The following RTN3 variants were observed in gnomAD, a reference collection of about 807,000 sequenced individuals.
The protein encoded by RTN3 is reticulon-3.
Under a neutral mutation model 77.8 loss-of-function variants are expected in RTN3, and 49 were observed. That is an observed-to-expected ratio of 0.63 (90% CI 0.50 to 0.80). The LOEUF is 0.80. RTN3 is among the 30% of genes least tolerant of loss of function. RTN3 has a pLI of 0.00. For synonymous variants in RTN3, 464 were observed against 446.9 expected (o/e 1.04, Z -0.48); for missense variants, 1,236 against 1,211.9 (o/e 1.02, Z -0.29).
rs1231321589 is a variant in RTN3 at position 63,681,630 on chromosome 11, C to T, written c.-7C>T. ...TTCACCCTTCTCCCACCCTCGCTCGCGTAGCCATGGCGGAGCCGTCGGCGG... is the reference window on the plus strand; with the variant it reads ...TTCACCCTTCTCCCACCCTCGCTCGTGTAGCCATGGCGGAGCCGTCGGCGG... On this transcript the variant is annotated 5_prime_UTR_variant, in exon 1 of 9. Coordinates refer to ENST00000377819, the MANE Select transcript of RTN3 (RefSeq NM_001265589.2). The T allele has an allele frequency of 6.3e-7, 1 of 1,582,988 alleles. No homozygotes were observed. Among genetic ancestry groups the T allele is most frequent in the South Asian group, 1.1e-5 (1 of 89,410 alleles).
intron 2 of RTN3, among the ~76,000 whole-genome samples, chr11:63,707,840 A>G (rs978696415): frequency 2.6e-5 from 4 of 152,056 alleles, no homozygotes; most frequent in African/African-American, 4.8e-5. Context: ...TCCGTCTCAA[A>G]AACAAAACAA....
At chr11:63,692,601 A>G (rs557753988) in intron 1 of RTN3, among the ~76,000 whole-genome samples, 1 of 152,212 alleles carries the variant, frequency 6.6e-6, no homozygotes, top group South Asian at 2.1e-4. Flanking sequence ...TACTAAAAAT[A>G]CAAAAAAAAA....
At chr11:63,748,661 C>CT (rs561644667) in intron 3 of RTN3, among the ~76,000 whole-genome samples, 4,194 of 105,880 alleles carry the variant, frequency 0.04, 230 homozygotes, top group African/African-American at 0.074. Context: ...GCCCCACTCA[C>CT]TTTTTTTTTT....
intron 1 of RTN3, among the ~76,000 whole-genome samples, chr11:63,697,029 C>T (rs1356398623): frequency 1.3e-5 from 2 of 150,830 alleles, no homozygotes; most frequent in Non-Finnish European, 3.0e-5. Flanking sequence ...GGACTACAGA[C>T]GCCTGCCACC....
intron 1 of RTN3, among the ~76,000 whole-genome samples, chr11:63,696,802 C>T (rs1201039073): frequency 7.9e-5 from 12 of 151,184 alleles, no homozygotes; most frequent in African/African-American, 2.9e-4. Flanking sequence ...CCTCCTTGGC[C>T]TCCCAAAGTG....
At chr11:63,753,194 A>G (rs1340850062) in intron 6 of RTN3, 56 bp downstream of exon 6, 1 of 1,525,194 alleles carries the variant, frequency 6.6e-7, no homozygotes, top group African/African-American at 1.4e-5. Context: ...TAAGAATAAG[A>G]GTGAAGAGAA....
At chr11:63,683,337 T>TGTGATGATAGCAAC (rs1941168059) in intron 1 of RTN3, among the ~76,000 whole-genome samples, 1 of 152,238 alleles carries the variant, frequency 6.6e-6, no homozygotes, top group Non-Finnish European at 1.5e-5. Context: ...TCTTTTTGCT[T>TGTGATGATAGCAAC]TAATCACTTG....
chr11:63,684,128 G>GTT (rs1941227412), intron 1 of RTN3, among the ~76,000 whole-genome samples: 1 of 19,934 alleles, frequency 5.0e-5, no homozygotes, highest in African/African-American at 1.3e-4. Context: ...ATTTTCTTTT[G>GTT]GTTTTTTTTT....
At chr11:63,758,062 C>G in intron 8 of RTN3, 94 bp from the exon 9 acceptor site, 1 of 884,184 alleles carries the variant, frequency 1.1e-6, no homozygotes, top group Admixed American at 2.5e-5. Context: ...TATGCAAGTC[C>G]AGGACTGTCC....
intron 1 of RTN3, among the ~76,000 whole-genome samples, chr11:63,692,384 G>T (rs1283273810): frequency 1.3e-5 from 2 of 152,004 alleles, no homozygotes; most frequent in Non-Finnish European, 2.9e-5. Context: ...TGTTCACTCT[G>T]CCTAGAATGC....
intron 8 of RTN3, 82 bp from the exon 9 acceptor site, chr11:63,758,074 C>G (rs559126131): frequency 6.1e-6 from 6 of 991,274 alleles, no homozygotes; most frequent in African/African-American, 4.9e-5. Context: ...GGACTGTCCT[C>G]TAGCATCACA....
At chr11:63,690,935 C>T (rs1245355850) in intron 1 of RTN3, among the ~76,000 whole-genome samples, 1 of 152,038 alleles carries the variant, frequency 6.6e-6, no homozygotes, top group African/African-American at 2.4e-5. Context: ...AGTGTATGCA[C>T]AAGGTTGTAC....
chr11:63,756,120 T>C lies in RTN3; in HGVS notation c.3003T>C (p.Ile1001=). Residue 1001 remains isoleucine (I), a synonymous_variant, in exon 8 of 9, where the codon ATT becomes ATC. Coordinates refer to ENST00000377819, the MANE Select transcript of RTN3 (RefSeq NM_001265589.2). ...ATTTTCCTTCCTTAAAGACCCAGAT[T>C]GATCACTATGTTGGCATCGCCCGAG... ...PIVYEKYKTQ[I]DHYVGIARDQ... is the part of the protein sequence containing the mutation. 6.2e-7 allele frequency: 1 copy of C among 1,612,882 alleles called. No homozygotes were observed. Among genetic ancestry groups the C allele is most frequent in the South Asian group, 1.1e-5 (1 of 91,032 alleles).
At position 63,753,690 on chromosome 11, in the gene RTN3, T is replaced by G; in HGVS notation, c.2976T>G (p.Ile992Met). 5.6e-6 allele frequency: 9 copies of G among 1,613,898 alleles called. No individual in the cohort carries two copies. The highest frequency in any genetic ancestry group is 7.6e-6 in the Non-Finnish European group (9 of 1,179,800). Reference protein sequence around the residue: ...LAELLIFSVPIVYEKYKTQID... With the variant: ...LAELLIFSVPMVYEKYKTQID... The stretch of plus-strand genomic sequence containing the variant: ...AACTGCTCATTTTCAGTGTCCCGAT[T>G]GTCTATGAGAAGTACAAGGTAAGCA... The change falls in exon 7 of 9, where the codon ATT (isoleucine) becomes ATG (methionine). Residue 992 changes from isoleucine (I) to methionine (M), a missense_variant. By Grantham distance (10) the Ile-to-Met change is conservative. Around this residue, in one of 3 missense-constraint regions of RTN3, gnomAD observed 141 missense variants for 154.9 expected, o/e 0.91. Transcript: ENST00000377819.
chr11:63,695,730 C>G (rs984955117), intron 1 of RTN3, among the ~76,000 whole-genome samples: 1 of 152,070 alleles, frequency 6.6e-6, no homozygotes, highest in African/African-American at 2.4e-5. Context: ...AAATATCTGA[C>G]CAGAGTCTTA....
At chr11:63,724,739 C>G (rs1055339578) in intron 3 of RTN3, among the ~76,000 whole-genome samples, 2 of 152,094 alleles carry the variant, frequency 1.3e-5, no homozygotes, top group African/African-American at 4.8e-5. Context: ...GATCCGCCCG[C>G]CTTGGCTTCC....
At chr11:63,735,689 C>T (rs984104163) in intron 3 of RTN3, among the ~76,000 whole-genome samples, 1 of 151,218 alleles carries the variant, frequency 6.6e-6, no homozygotes, top group Non-Finnish European at 1.5e-5. Context: ...GCCACCACAC[C>T]GAGCTAATTT....
chr11:63,752,928 A>ACTT, intron 5 of RTN3, 141 bp from the exon 6 acceptor site: 1 of 881,250 alleles, frequency 1.1e-6, no homozygotes, highest in East Asian at 2.4e-5. Flanking sequence ...TAACACAAGT[A>ACTT]GGGAACCTTC....
chr11:63,713,744 T>A (rs1181028884), intron 2 of RTN3, among the ~76,000 whole-genome samples: 1 of 152,214 alleles, frequency 6.6e-6, no homozygotes, highest in Non-Finnish European at 1.5e-5. Flanking sequence ...AAGAACTAAT[T>A]TAGAAAATGT....
Sources: allele counts gnomAD v4.1 joint callset (sites outside exome capture counted in the v4.1 genomes callset), GRCh38; gene constraint gnomAD v4.1.1; regional missense constraint gnomAD v4.1.1; transcripts MANE v1.5; gene names NCBI Gene and HGNC (gene_info 2026-07-23, HGNC 2026-07-21).